The following GSTCD variants were observed in gnomAD, a reference collection of about 807,000 sequenced individuals.
The protein encoded by GSTCD is glutathione S-transferase C-terminal domain-containing protein.
GSTCD carries 44 observed loss-of-function variants against 68.3 expected under a neutral mutation model. The observed-to-expected ratio is 0.64, with a 90% CI of 0.51 to 0.83. GSTCD has a LOEUF of 0.83. Among genes scored for constraint, GSTCD ranks in the 40% least tolerant of loss-of-function variants. The pLI, the probability that GSTCD is intolerant of heterozygous loss-of-function variation, is 0.00. For missense variants in GSTCD, 739 were observed against 735.9 expected (o/e 1.00, Z -0.05); for synonymous variants, 273 against 255.2 (o/e 1.07, Z -0.67).
intron 5 of GSTCD, among the ~76,000 whole-genome samples, chr4:105,733,502 A>T (rs1242237619): frequency 6.6e-6 from 1 of 152,172 alleles, no homozygotes; most frequent in Non-Finnish European, 1.5e-5. Context: ...AGAGACTAGG[A>T]TTGCAAACCC....
chr4:105,749,828 A>G (rs1733945532), intron 5 of GSTCD, among the ~76,000 whole-genome samples: 1 of 152,202 alleles, frequency 6.6e-6, no homozygotes, highest in South Asian at 2.1e-4. Flanking sequence ...GACTTCATCA[A>G]AATTAAAAAC....
At position 105,756,422 on chromosome 4, in the gene GSTCD, C is replaced by T. The variant is rs1171469617; in HGVS notation, c.1240+26923C>T. On this transcript the variant is annotated intron_variant, in intron 5 of 11. Transcript: ENST00000515279. ...AGTTGCCTCATTAGAACGCAAGACA[C>T]TCCTATCACCTTGAAAATCCCAAGG... Among the ~76,000 whole-genome samples, 8 of 151,720 alleles carry T rather than the reference C, an allele frequency of 5.3e-5. No homozygotes were observed. In the South Asian group the frequency reaches 1.7e-3, roughly 32 times the overall value.
intron 5 of GSTCD, among the ~76,000 whole-genome samples, chr4:105,806,999 A>G (rs1229434666): frequency 6.6e-6 from 1 of 152,004 alleles, no homozygotes; most frequent in Non-Finnish European, 1.5e-5. Flanking sequence ...TACACCGACC[A>G]CGCCATTTAC....
chr4:105,715,471 T>C (rs1030868064), intron 1 of GSTCD, among the ~76,000 whole-genome samples: 1 of 152,022 alleles, frequency 6.6e-6, no homozygotes, highest in African/African-American at 2.4e-5. Context: ...AGATAATCTT[T>C]TAAGAAGTAA....
chr4:105,755,079 A>G (rs912549850), intron 5 of GSTCD, among the ~76,000 whole-genome samples: 7 of 144,492 alleles, frequency 4.8e-5, no homozygotes, highest in African/African-American at 1.9e-4. Flanking sequence ...AAAAAAAAAA[A>G]AAAAAAAAAA....
chr4:105,794,192 T>C (rs1235924864), intron 5 of GSTCD, among the ~76,000 whole-genome samples: 1 of 152,062 alleles, frequency 6.6e-6, no homozygotes, highest in Admixed American at 6.5e-5. Context: ...CTTAACTGTA[T>C]AAGTCTGAAA....
At chr4:105,809,582 T>A (rs1480228956) in intron 5 of GSTCD, among the ~76,000 whole-genome samples, 2 of 152,130 alleles carry the variant, frequency 1.3e-5, no homozygotes, top group African/African-American at 4.8e-5. Context: ...ATTTGTTTTG[T>A]GTGTATCACC....
At chr4:105,798,035 A>G (rs72673822) in intron 5 of GSTCD, among the ~76,000 whole-genome samples, 6,792 of 152,152 alleles carry the variant, frequency 0.045, 210 homozygotes, top group Middle Eastern at 0.13. Context: ...CCCTGCTGCT[A>G]CTTTATCAAC....
chr4:105,722,675 G>T (rs949347259), intron 3 of GSTCD, among the ~76,000 whole-genome samples: 1 of 151,608 alleles, frequency 6.6e-6, no homozygotes, highest in African/African-American at 2.4e-5. Context: ...AAATTTTTCT[G>T]CCCTTTATTG....
chr4:105,738,783 A>G (rs1353888932), intron 5 of GSTCD, among the ~76,000 whole-genome samples: 1 of 152,146 alleles, frequency 6.6e-6, no homozygotes, highest in Non-Finnish European at 1.5e-5. Flanking sequence ...TCATCTGCAA[A>G]TAGGGACAAT....
chr4:105,800,023 G>A (rs576265599), intron 5 of GSTCD, among the ~76,000 whole-genome samples: 15 of 152,094 alleles, frequency 9.9e-5, no homozygotes, highest in African/African-American at 1.7e-4. Flanking sequence ...TGGCTTTCAC[G>A]GAAGATTATT....
At chr4:105,764,145 A>G (rs1734518989) in intron 5 of GSTCD, among the ~76,000 whole-genome samples, 1 of 152,196 alleles carries the variant, frequency 6.6e-6, no homozygotes, top group Admixed American at 6.5e-5. Flanking sequence ...TATAATATCA[A>G]CTGATCACCT....
At chr4:105,824,969 C>T (rs565505417) in intron 7 of GSTCD, among the ~76,000 whole-genome samples, 2 of 152,174 alleles carry the variant, frequency 1.3e-5, no homozygotes, top group African/African-American at 4.8e-5. Flanking sequence ...TATGTTACTT[C>T]CCCATGAAAA....
chr4:105,765,877 C>T lies in GSTCD; in HGVS notation c.1240+36378C>T, dbSNP rs191558248. Reference sequence around the variant, plus strand: ...CATGTGAAGAAAGACGTGTTTGCTTCCCCTTCCGCCAGGATTGTAAGTTTC... The same window carrying T: ...CATGTGAAGAAAGACGTGTTTGCTTTCCCTTCCGCCAGGATTGTAAGTTTC... On this transcript the variant is annotated intron_variant, in intron 5 of 11. Coordinates refer to ENST00000515279, the MANE Select transcript of GSTCD (RefSeq NM_001370181.1). 2.2e-4 allele frequency among the ~76,000 whole-genome samples: 33 copies of T among 152,284 alleles called. No homozygotes were observed. In the East Asian group the frequency reaches 3.9e-3, roughly 18 times the overall value.
chr4:105,796,453 T>C (rs1735891942), intron 5 of GSTCD, among the ~76,000 whole-genome samples: 4 of 152,234 alleles, frequency 2.6e-5, no homozygotes, highest in Admixed American at 2.6e-4. Flanking sequence ...TTTTTTGTCA[T>C]ATCATTTTTA....
chr4:105,715,577 T>A (rs1165309105), intron 1 of GSTCD, among the ~76,000 whole-genome samples: 1 of 152,024 alleles, frequency 6.6e-6, no homozygotes, highest in Non-Finnish European at 1.5e-5. Context: ...GATAATACTT[T>A]ACTGACTATA....
intron 5 of GSTCD, 38 bp downstream of exon 5, chr4:105,729,537 T>G (rs1214129656): frequency 7.4e-7 from 1 of 1,352,926 alleles, no homozygotes; most frequent in Non-Finnish European, 1.1e-6. Flanking sequence ...ATTCATACTT[T>G]GGATACTGTC....
At position 105,795,988 on chromosome 4, in the gene GSTCD, T is replaced by A. The variant is rs554372737; in HGVS notation, c.1241-26966T>A. Among the ~76,000 whole-genome samples, 8 of 152,370 alleles carry A rather than the reference T, an allele frequency of 5.3e-5. No individual in the cohort carries two copies. The South Asian group carries it at 1.7e-3, about 32-fold the overall frequency. ...TATTTTAGCCTTGAGTTCTTTCATC[T>A]GATATTAATATTGCAACTTTTGTTT... On this transcript the variant is annotated intron_variant, in intron 5 of 11. Coordinates refer to ENST00000515279, the MANE Select transcript of GSTCD (RefSeq NM_001370181.1).
At chr4:105,730,106 T>A (rs1185038675) in intron 5 of GSTCD, among the ~76,000 whole-genome samples, 2 of 152,256 alleles carry the variant, frequency 1.3e-5, no homozygotes, top group Non-Finnish European at 2.9e-5. Context: ...TATTCCATGG[T>A]GTATATGTGC....
Sources: allele counts gnomAD v4.1 joint callset (sites outside exome capture counted in the v4.1 genomes callset), GRCh38; gene constraint gnomAD v4.1.1; transcripts MANE v1.5; gene names NCBI Gene and HGNC (gene_info 2026-07-23, HGNC 2026-07-21).